DIPK1A: variants seen among roughly 807,000 people sequenced by gnomAD.
DIPK1A encodes divergent protein kinase domain 1A.
A neutral mutation model predicts 40.8 loss-of-function variants in DIPK1A; 27 were observed. The ratio of observed to expected loss-of-function variants is 0.66; its 90% confidence interval spans 0.49 to 0.91. DIPK1A has a LOEUF of 0.91. DIPK1A is among the 40% of genes least tolerant of loss of function. The pLI, the probability that DIPK1A is intolerant of heterozygous loss-of-function variation, is 0.00. For missense variants in DIPK1A, 412 were observed against 505.7 expected (o/e 0.81, Z 1.78); for synonymous variants, 166 against 171.3 (o/e 0.97, Z 0.24).
intron 2 of DIPK1A, among the ~76,000 whole-genome samples, chr1:92,856,722 A>G (rs1010633826): frequency 6.6e-6 from 1 of 152,064 alleles, no homozygotes; most frequent in African/African-American, 2.4e-5. Flanking sequence ...AGGTCTTGAG[A>G]GATTAGTTTT....
intron 1 of DIPK1A, among the ~76,000 whole-genome samples, chr1:92,906,743 G>A (rs987296240): frequency 1.8e-4 from 27 of 152,134 alleles, no homozygotes; most frequent in African/African-American, 6.0e-4. Flanking sequence ...GTAATACCTA[G>A]TACTCTTGCT....
intron 4 of DIPK1A, chr1:92,836,222 T>C (rs1335950039): frequency 6.2e-7 from 1 of 1,613,040 alleles, no homozygotes; most frequent in East Asian, 2.2e-5. Flanking sequence ...ACAAGATCTA[T>C]GAAGGCCAAG....
At chr1:92,840,611 A>C (rs1416015237), downstream of DIPK1A, 3 of 1,611,242 alleles carry the variant, frequency 1.9e-6, no homozygotes, top group Non-Finnish European at 1.7e-6. Context: ...CTATGAAAAG[A>C]AGCCCAAGAA....
At chr1:92,833,859 C>CT in intron 4 of DIPK1A, 3 of 581,590 alleles carry the variant, frequency 5.2e-6, no homozygotes, top group Non-Finnish European at 9.1e-6. Flanking sequence ...GCGCTCATGC[C>CT]TGTAATCCCA....
chr1:92,863,878 A>G (rs1647403631), intron 2 of DIPK1A, among the ~76,000 whole-genome samples: 2 of 152,040 alleles, frequency 1.3e-5, no homozygotes, highest in Admixed American at 1.3e-4. Context: ...AACATGGTGA[A>G]ACCCCGTCTC....
At chr1:92,892,211 C>G (rs763828295) in intron 1 of DIPK1A, among the ~76,000 whole-genome samples, 15 of 152,122 alleles carry the variant, frequency 9.9e-5, no homozygotes, top group South Asian at 2.1e-4. Context: ...ACTGCCTCCT[C>G]AACTGGGTCC....
Position 92,843,333 on chromosome 1 carries a change from G to A in DIPK1A, c.*50C>T. On this transcript the variant is annotated 3_prime_UTR_variant, in exon 5 of 5. Coordinates refer to ENST00000370310, the MANE Select transcript of DIPK1A (RefSeq NM_001006605.5). ...CCATTTTTTTTTAATGCTCAAAATT[G>A]TTCTTTAAAAGTGGCAGGTTTCTTA... 5.5e-6 allele frequency: 8 copies of A among 1,460,960 alleles called. No individual in the cohort carries two copies. Among genetic ancestry groups the A allele is most frequent in the East Asian group, 2.5e-5 (1 of 40,158 alleles). 90.5% of individuals were successfully genotyped at this position (1,460,960 alleles called of 1,614,324 possible). A position where few individuals can be genotyped will look rare whatever the true frequency, so the allele number is the denominator to read the frequency against.
intron 1 of DIPK1A, among the ~76,000 whole-genome samples, chr1:92,887,549 G>C (rs1571092338): frequency 6.6e-6 from 1 of 152,278 alleles, no homozygotes; most frequent in East Asian, 1.9e-4. Flanking sequence ...AAAAATAAAT[G>C]ATACTGTAGC....
intron 1 of DIPK1A, among the ~76,000 whole-genome samples, chr1:92,938,987 G>A (rs368553117): frequency 6.6e-6 from 1 of 151,198 alleles, no homozygotes; most frequent in Admixed American, 6.6e-5. Flanking sequence ...TGCAACCTCT[G>A]CATCTCGGAT....
In DIPK1A at chr1:92,846,848, T is replaced by TATATATATATAC. The variant is rs1557449996; in HGVS notation, c.474+334_474+335insGTATATATATAT. On this transcript the variant is annotated intron_variant, in intron 4 of 4. Coordinates refer to ENST00000370310, the MANE Select transcript of DIPK1A (RefSeq NM_001006605.5). ...ATATATATATATATATATATGTGTG[T>TATATATATATAC]ATATATATATGTGTGTATATATATA... Among the ~76,000 whole-genome samples the TATATATATATAC allele has an allele frequency of 7.6e-3, 19 of 2,484 alleles. 4 individuals are homozygous for TATATATATATAC. The highest frequency in any genetic ancestry group is 0.02 in the African/African-American group (6 of 294). The allele number at this position is 2,484 out of a possible 152,430, so 1.6% of individuals were successfully genotyped here.
chr1:92,902,445 C>T (rs1649457978), intron 1 of DIPK1A, among the ~76,000 whole-genome samples: 1 of 152,152 alleles, frequency 6.6e-6, no homozygotes, highest in Admixed American at 6.5e-5. Context: ...GAGGAAGACA[C>T]ACTCCAGACA....
chr1:92,902,433 T>C (rs1300253335), intron 1 of DIPK1A, among the ~76,000 whole-genome samples: 1 of 152,074 alleles, frequency 6.6e-6, no homozygotes, highest in Non-Finnish European at 1.5e-5. Flanking sequence ...TACTCACCCA[T>C]GGAGGAAGAC....
intron 4 of DIPK1A, among the ~76,000 whole-genome samples, 153 bp downstream of exon 4, chr1:92,847,030 C>T (rs1016832736): frequency 6.8e-6 from 1 of 146,680 alleles, no homozygotes; most frequent in Non-Finnish European, 1.5e-5. Context: ...AGGCGTGAGC[C>T]ACCACGCCCG....
intron 4 of DIPK1A, among the ~76,000 whole-genome samples, chr1:92,844,575 C>T (rs1444616391): frequency 1.3e-5 from 2 of 152,132 alleles, no homozygotes; most frequent in African/African-American, 4.8e-5. Context: ...ATCAAAGTTA[C>T]AATAAGGGTC....
intron 2 of DIPK1A, among the ~76,000 whole-genome samples, chr1:92,864,483 T>C (rs973281934): frequency 1.3e-5 from 2 of 152,190 alleles, no homozygotes; most frequent in Non-Finnish European, 2.9e-5. Context: ...CTTGCTTGCA[T>C]AGAGGAATAT....
chr1:92,917,003 C>G (rs1162292660), intron 1 of DIPK1A, among the ~76,000 whole-genome samples: 2 of 152,194 alleles, frequency 1.3e-5, no homozygotes, highest in Admixed American at 6.5e-5. Context: ...TAGTTGTCCA[C>G]ATGCAATTCA....
At chr1:92,885,294 CAT>C (rs1482118675) in intron 1 of DIPK1A, among the ~76,000 whole-genome samples, 1 of 152,150 alleles carries the variant, frequency 6.6e-6, no homozygotes, top group East Asian at 1.9e-4. Context: ...GGTACTCTGA[CAT>C]AGATTTCCAG....
At chr1:92,870,991 C>T (rs1647815644) in intron 2 of DIPK1A, among the ~76,000 whole-genome samples, 1 of 152,094 alleles carries the variant, frequency 6.6e-6, no homozygotes, top group Non-Finnish European at 1.5e-5. Flanking sequence ...GATGTTAATC[C>T]CAAGAGCCGA....
Position 92,843,997 on chromosome 1 carries a change from G to T in DIPK1A, c.673C>A (p.Leu225Ile). The change falls in exon 5 of 5, where the codon CTC becomes ATC. Residue 225 changes from leucine (L) to isoleucine (I), a missense_variant. Leu to Ile is a conservative substitution (Grantham distance 5). Transcript: ENST00000370310. The stretch of plus-strand genomic sequence containing the variant: ...TATTCAACACTTTCCATCACATAGA[G>T]GTCACCACAGAATCCCATTAATTTG... Reference protein sequence around the residue: ...TPKLMGFCGDLYVMESVEYTS... With the variant: ...TPKLMGFCGDIYVMESVEYTS... 6.4e-7 allele frequency: 1 copy of T among 1,552,104 alleles called. No homozygotes were observed. The highest frequency in any genetic ancestry group is 8.7e-7 in the Non-Finnish European group (1 of 1,147,074).
Sources: gnomAD v4.1 joint callset for allele counts (sites outside exome capture counted in the v4.1 genomes callset) on GRCh38, gnomAD v4.1.1 for gene constraint, MANE v1.5 for transcripts, NCBI Gene and HGNC (gene_info 2026-07-23, HGNC 2026-07-21) for gene names.